Variants in ANK2 observed in about 807,000 individuals in gnomAD.
The protein encoded by ANK2 is ankyrin-2.
ANK2 carries 83 observed loss-of-function variants against 360.5 expected under a neutral mutation model. That is an observed-to-expected ratio of 0.23 (90% CI 0.19 to 0.28). ANK2 has a LOEUF of 0.28. Among genes scored for constraint, ANK2 ranks in the 10% least tolerant of loss-of-function variants. ANK2 has a pLI of 1.00. For synonymous variants in ANK2, 1,740 were observed against 1,759.5 expected, an observed-to-expected ratio of 0.99 and a Z score of 0.28; for missense variants, 4,201 against 4,795.7, an observed-to-expected ratio of 0.88 and a Z score of 3.66.
chr4:112,852,881 T>G lies in ANK2; in HGVS notation c.-40+34617T>G, dbSNP rs566103761. Among the ~76,000 whole-genome samples the G allele has an allele frequency of 1.3e-4, 20 of 152,342 alleles. No homozygotes were observed. In the South Asian group the frequency reaches 3.9e-3, roughly 30 times the overall value. On this transcript the variant is annotated intron_variant, in intron 1 of 30. Coordinates refer to the ANK2 transcript ENST00000503271. Reference sequence around the variant, plus strand: ...AGAAAAGACAGATCGTCGTCTAGGCTCATTGATTTTAAAAGAAAACATTTG... The same window carrying G: ...AGAAAAGACAGATCGTCGTCTAGGCGCATTGATTTTAAAAGAAAACATTTG...
At chr4:112,773,499 C>A in the ANK2 span, among the ~76,000 whole-genome samples, 1 of 152,126 alleles carries the variant, frequency 6.6e-6, no homozygotes, top group Non-Finnish European at 1.5e-5. Context: ...TCCCACCTAC[C>A]CTTAGACTCT....
intron 1 of ANK2, among the ~76,000 whole-genome samples, chr4:113,076,299 C>T (rs1231587641): frequency 2.0e-5 from 3 of 152,188 alleles, no homozygotes; most frequent in Non-Finnish European, 1.5e-5. Context: ...ATGTGGCCTG[C>T]GGGCCAAGGG....
intron 1 of ANK2, among the ~76,000 whole-genome samples, chr4:112,862,170 G>A (rs1254773785): frequency 6.6e-6 from 1 of 152,190 alleles, no homozygotes; most frequent in African/African-American, 2.4e-5. Flanking sequence ...GTAAAAGTTA[G>A]TGATCACCAT....
chr4:112,871,883 A>G (rs557274381), intron 1 of ANK2, among the ~76,000 whole-genome samples: 1 of 152,184 alleles, frequency 6.6e-6, no homozygotes, highest in Non-Finnish European at 1.5e-5. Context: ...TTCTGTTGAT[A>G]TGGCATATTA....
intron 1 of ANK2, among the ~76,000 whole-genome samples, chr4:113,057,583 G>A (rs1016131054): frequency 2.6e-5 from 4 of 152,142 alleles, no homozygotes; most frequent in African/African-American, 9.7e-5. Context: ...TGATGACTGA[G>A]CCTGTGTCCT....
intron 1 of ANK2, among the ~76,000 whole-genome samples, chr4:113,116,193 C>T (rs1476926837): frequency 6.6e-6 from 1 of 152,132 alleles, no homozygotes; most frequent in African/African-American, 2.4e-5. Flanking sequence ...TACTTCATCA[C>T]ATTGCTTTTC....
chr4:113,080,754 TG>T (rs1330419820), intron 1 of ANK2, among the ~76,000 whole-genome samples: 1 of 152,218 alleles, frequency 6.6e-6, no homozygotes, highest in Non-Finnish European at 1.5e-5. Context: ...CTATTGAGTT[TG>T]TTCTCTATAC....
intron 2 of ANK2, among the ~76,000 whole-genome samples, chr4:112,940,300 T>A (rs1272794622): frequency 6.6e-6 from 1 of 152,160 alleles, no homozygotes; most frequent in African/African-American, 2.4e-5. Flanking sequence ...GTCAGATACG[T>A]ATTAATTTGA....
At chr4:113,264,123 C>T (rs1034598997) in intron 13 of ANK2, among the ~76,000 whole-genome samples, 3 of 152,150 alleles carry the variant, frequency 2.0e-5, no homozygotes, top group African/African-American at 7.2e-5. Context: ...ATTAAATATG[C>T]TCATTAATCT....
At chr4:112,897,619 C>T (rs574976473) in intron 1 of ANK2, among the ~76,000 whole-genome samples, 12 of 151,904 alleles carry the variant, frequency 7.9e-5, no homozygotes, top group African/African-American at 2.7e-4. Context: ...ATCCATGGCA[C>T]TGATGATGTT....
chr4:112,755,093 A>T, the ANK2 span, among the ~76,000 whole-genome samples: 14 of 152,308 alleles, frequency 9.2e-5, no homozygotes, highest in African/African-American at 3.4e-4. Context: ...GGCAAGAATG[A>T]CTTCCTGCCC....
chr4:113,019,163 T>A (rs1334195880), intron 2 of ANK2, among the ~76,000 whole-genome samples: 1 of 152,220 alleles, frequency 6.6e-6, no homozygotes, highest in African/African-American at 2.4e-5. Context: ...TGCTAGTGGT[T>A]TTTAACATTT....
chr4:113,168,932 A>G (rs558541423), intron 1 of ANK2, among the ~76,000 whole-genome samples: 8 of 152,154 alleles, frequency 5.3e-5, no homozygotes, highest in African/African-American at 1.9e-4. Context: ...GACAGACCAC[A>G]CCCAGTTCTG....
intron 1 of ANK2, among the ~76,000 whole-genome samples, chr4:112,896,762 A>G (rs899870019): frequency 4.6e-5 from 7 of 152,130 alleles, no homozygotes; most frequent in Admixed American, 4.6e-4. Flanking sequence ...TTCTGCTGTC[A>G]CCAACCTGAG....
chr4:113,259,010 T>C (rs749541597), intron 13 of ANK2, among the ~76,000 whole-genome samples: 123 of 152,222 alleles, frequency 8.1e-4, no homozygotes, highest in Non-Finnish European at 9.0e-4. Context: ...TTATACCACA[T>C]ATCCTGGAAT....
the ANK2 span, among the ~76,000 whole-genome samples, chr4:112,808,305 A>T: frequency 2.6e-5 from 4 of 152,336 alleles, no homozygotes; most frequent in East Asian, 7.7e-4. Flanking sequence ...GTGGGTGAGC[A>T]GGATGATGAA....
chr4:113,005,004 C>T (rs2052282160), intron 2 of ANK2, among the ~76,000 whole-genome samples: 1 of 152,060 alleles, frequency 6.6e-6, no homozygotes, highest in South Asian at 2.1e-4. Flanking sequence ...TTAACTAAGA[C>T]ATGAAAACAA....
the ANK2 span, chr4:112,788,384 G>T: frequency 6.3e-7 from 1 of 1,576,188 alleles, no homozygotes; most frequent in Non-Finnish European, 8.6e-7. Flanking sequence ...CAAGAAGACA[G>T]CCAGCTCGAT....
chr4:112,730,636 CAA>C, the ANK2 span, among the ~76,000 whole-genome samples: 796 of 57,896 alleles, frequency 0.014, 16 homozygotes, highest in East Asian at 0.18. Context: ...GACTCCATCT[CAA>C]AAAAAAAAAA....
Sources: allele counts gnomAD v4.1 joint callset (sites outside exome capture counted in the v4.1 genomes callset), GRCh38; gene constraint gnomAD v4.1.1; transcripts MANE v1.5; gene names NCBI Gene and HGNC (gene_info 2026-07-23, HGNC 2026-07-21).